Variants in ANXA3 observed in about 807,000 individuals in gnomAD.
ANXA3 encodes 35-alpha calcimedin.
Under a neutral mutation model 48.8 loss-of-function variants are expected in ANXA3, and 46 were observed. The observed-to-expected ratio is 0.94, with a 90% CI of 0.74 to 1.21. The LOEUF (loss-of-function observed/expected upper bound fraction) is 1.21. Among genes scored for constraint, ANXA3 ranks in the 50% most tolerant of loss-of-function variants. ANXA3 has a pLI of 0.00. For synonymous variants in ANXA3, 128 were observed against 134.7 expected (o/e 0.95, Z 0.35); for missense variants, 383 against 378.6 (o/e 1.01, Z -0.10).
rs746453664 is a variant in ANXA3, at chr4:78,591,575, T to C, written c.435T>C (p.Ser145=). The change falls in exon 7 of 13, where the codon AGT becomes AGC. Residue 145 remains serine (S), a synonymous_variant. Coordinates refer to ENST00000264908, the MANE Select transcript of ANXA3 (RefSeq NM_005139.3). ...VYKKSLGDDI[S]SETSGDFRKA... is the part of the protein sequence containing the mutation. ...AGAAGAGTCTTGGAGATGACATTAG[T>C]TCCGAAACATCTGGTGACTTCCGGA... The C allele has an allele frequency of 3.1e-6, 5 of 1,613,784 alleles. No individual in the cohort carries two copies. The highest frequency in any genetic ancestry group is 2.2e-5 in the East Asian group (1 of 44,862).
chr4:78,572,717 G>A (rs771151290), intron 2 of ANXA3, among the ~76,000 whole-genome samples: 3 of 152,158 alleles, frequency 2.0e-5, no homozygotes, highest in Non-Finnish European at 4.4e-5. Flanking sequence ...TAATAGTGAT[G>A]CTATCTGCAA....
chr4:78,598,485 A>G (rs1013725760), intron 10 of ANXA3, among the ~76,000 whole-genome samples: 2 of 152,190 alleles, frequency 1.3e-5, no homozygotes, highest in African/African-American at 4.8e-5. Flanking sequence ...AGACTGTTCC[A>G]GTGGTAATGA....
At chr4:78,580,519 G>C (rs1423060209) in intron 4 of ANXA3, among the ~76,000 whole-genome samples, 4 of 152,200 alleles carry the variant, frequency 2.6e-5, no homozygotes, top group African/African-American at 9.7e-5. Flanking sequence ...TTTGTAAGCA[G>C]AGGAATAATA....
At chr4:78,573,739 T>G (rs1452853605) in intron 3 of ANXA3, among the ~76,000 whole-genome samples, 1 of 152,200 alleles carries the variant, frequency 6.6e-6, no homozygotes, top group East Asian at 1.9e-4. Flanking sequence ...GTCATGAAGA[T>G]TCTGGGAAAA....
In ANXA3 at chr4:78,591,626, A is replaced by G. The variant is rs753926373; in HGVS notation, c.483+3A>G. On this transcript the variant is annotated splice_donor_region_variant and intron_variant, in intron 7 of 12. Coordinates refer to ENST00000264908, the MANE Select transcript of ANXA3 (RefSeq NM_005139.3). ...AAGCTCTGTTGACTTTGGCAGATGT[A>G]AGGTTTTATTTTTTATTTTTTAACT... 6.2e-7 allele frequency: 1 copy of G among 1,610,906 alleles called. No homozygotes were observed. Among genetic ancestry groups the G allele is most frequent in the Non-Finnish European group, 8.5e-7 (1 of 1,177,562 alleles).
intron 3 of ANXA3, among the ~76,000 whole-genome samples, chr4:78,576,716 G>A (rs1002178289): frequency 6.6e-6 from 1 of 152,132 alleles, no homozygotes; most frequent in Non-Finnish European, 1.5e-5. Context: ...TGGCTTACAG[G>A]CCTTCTTTAA....
chr4:78,586,432 TTCA>T, intron 6 of ANXA3, 82 bp downstream of exon 6: 1 of 966,882 alleles, frequency 1.0e-6, no homozygotes, highest in South Asian at 1.5e-5. Flanking sequence ...TCTCAATCTC[TTCA>T]TGAGGCATTT....
chr4:78,553,378 A>G (rs1362555785), intron 1 of ANXA3, among the ~76,000 whole-genome samples: 1 of 152,214 alleles, frequency 6.6e-6, no homozygotes, highest in Non-Finnish European at 1.5e-5. Flanking sequence ...GTGCACACAG[A>G]TAAGAAGAAT....
intron 6 of ANXA3, among the ~76,000 whole-genome samples, chr4:78,589,439 A>G (rs1330598263): frequency 1.3e-5 from 2 of 152,224 alleles, no homozygotes; most frequent in African/African-American, 4.8e-5. Flanking sequence ...TTAAAGTCAC[A>G]GCACTACCCG....
intron 12 of ANXA3, 118 bp from the exon 13 acceptor site, chr4:78,609,938 T>C: frequency 1.8e-6 from 1 of 548,318 alleles, no homozygotes; most frequent in Admixed American, 3.3e-5. Flanking sequence ...TTTTACTAAA[T>C]GGTATAGCTC....
intron 2 of ANXA3, among the ~76,000 whole-genome samples, chr4:78,571,572 A>G (rs1722841137): frequency 6.6e-6 from 1 of 152,228 alleles, no homozygotes; most frequent in Admixed American, 6.5e-5. Context: ...ACCCTTCAAG[A>G]GAGCCAAAAT....
Position 78,606,226 on chromosome 4 carries a change from A to T in ANXA3, c.912+1827A>T, listed in dbSNP as rs2109827926. ...CTCGAGGAAATCAGCACTAGAGAGT[A>T]TTGGACCCAGGTGAACTCTCCAAGG... On this transcript the variant is annotated intron_variant, in intron 12 of 12. Coordinates refer to ENST00000264908, the MANE Select transcript of ANXA3 (RefSeq NM_005139.3). 3.3e-5 allele frequency among the ~76,000 whole-genome samples: 5 copies of T among 152,354 alleles called. No homozygotes were observed. In the South Asian group the frequency reaches 1.0e-3, roughly 32 times the overall value.
chr4:78,582,608 G>C (rs1000878435), intron 5 of ANXA3, among the ~76,000 whole-genome samples: 1 of 152,076 alleles, frequency 6.6e-6, no homozygotes, highest in Non-Finnish European at 1.5e-5. Flanking sequence ...TTGAGCCCTT[G>C]TTTTCTCTTA....
chr4:78,603,296 T>C (rs1343384429), intron 11 of ANXA3: 2 of 152,236 alleles, frequency 1.3e-5, no homozygotes, highest in African/African-American at 4.8e-5. Flanking sequence ...ATGAATTACA[T>C]AGATGAATGG....
intron 6 of ANXA3, among the ~76,000 whole-genome samples, chr4:78,588,313 A>G (rs1007601976): frequency 2.0e-5 from 3 of 151,970 alleles, no homozygotes; most frequent in Non-Finnish European, 4.4e-5. Context: ...GGATCACTTG[A>G]GTCTAAGAGA....
At chr4:78,606,350 G>T (rs1217077794) in intron 12 of ANXA3, among the ~76,000 whole-genome samples, 1 of 152,110 alleles carries the variant, frequency 6.6e-6, no homozygotes, top group African/African-American at 2.4e-5. Context: ...TCTAAAACTG[G>T]GAATGGAGTC....
At chr4:78,589,632 T>C (rs993773785) in intron 6 of ANXA3, among the ~76,000 whole-genome samples, 2 of 152,230 alleles carry the variant, frequency 1.3e-5, no homozygotes, top group Non-Finnish European at 1.5e-5. Flanking sequence ...TATTTGTGCA[T>C]AGCTTTTGGT....
chr4:78,557,125 G>A (rs908690675), intron 2 of ANXA3, among the ~76,000 whole-genome samples: 2 of 152,142 alleles, frequency 1.3e-5, no homozygotes, highest in African/African-American at 4.8e-5. Context: ...GTTCCTTGTA[G>A]TTGTCGAATT....
Position 78,604,361 on chromosome 4 carries a change from A to T in ANXA3, c.874A>T (p.Lys292Ter). 6.2e-7 allele frequency: 1 copy of T among 1,613,400 alleles called. No homozygotes were observed. Among genetic ancestry groups the T allele is most frequent in the South Asian group, 1.1e-5 (1 of 91,046 alleles). Residue 292 changes from lysine (K) to a stop codon, truncating the protein, a stop_gained, in exon 12 of 13, where the codon AAG becomes TAG. Transcript: ENST00000264908. LOFTEE classifies it high-confidence loss of function. Reference protein sequence around the residue: ...IDLLDIRTEFKKHYGYSLYSA... With the variant: ...IDLLDIRTEF ...CCTTTTGGACATTCGAACAGAGTTC[A>T]AGAAGCATTATGGCTATTCCCTATA...
Sources: allele counts gnomAD v4.1 joint callset (sites outside exome capture counted in the v4.1 genomes callset), GRCh38; gene constraint gnomAD v4.1.1; transcripts MANE v1.5; gene names NCBI Gene and HGNC (gene_info 2026-07-23, HGNC 2026-07-21).